Variants in RGP1 observed in about 807,000 individuals in gnomAD.
The protein encoded by RGP1 is RAB6A-GEF complex partner protein 2.
A neutral mutation model predicts 44.5 loss-of-function variants in RGP1; 28 were observed. The ratio of observed to expected loss-of-function variants is 0.63; its 90% CI spans 0.47 to 0.86. The LOEUF (loss-of-function observed/expected upper bound fraction) is 0.86. Among genes scored for constraint, RGP1 ranks in the 40% least tolerant of loss-of-function variants. The pLI is 0.00. For missense variants in RGP1, 417 were observed against 490.7 expected, an observed-to-expected ratio of 0.85 and a Z score of 1.42; for synonymous variants, 212 against 196.7, an observed-to-expected ratio of 1.08 and a Z score of -0.65.
chr9:35,782,902 C>T, the RGP1 span, among the ~76,000 whole-genome samples: 3 of 149,994 alleles, frequency 2.0e-5, no homozygotes, highest in Non-Finnish European at 3.0e-5. Context: ...TCCCCCTCCC[C>T]GGTTCAAGCG....
the RGP1 span, among the ~76,000 whole-genome samples, chr9:35,765,093 C>T: frequency 2.0e-5 from 3 of 148,714 alleles, no homozygotes; most frequent in Non-Finnish European, 4.4e-5. Context: ...CACTGCACTC[C>T]AGCCTGACAA....
chr9:35,751,303 A>G lies in RGP1; in HGVS notation c.525A>G (p.Val175=). 1 of 1,614,016 alleles carries G rather than the reference A, an allele frequency of 6.2e-7. No individual in the cohort carries two copies. Among genetic ancestry groups the G allele is most frequent in the South Asian group, 1.1e-5 (1 of 91,084 alleles). Residue 175 remains valine (V), a synonymous_variant, in exon 6 of 9, where the codon GTA becomes GTG. Coordinates refer to ENST00000378078, the MANE Select transcript of RGP1 (RefSeq NM_001080496.3). ...TCCGGTTTCCCCAGGATGAGGCTGT[A>G]GCCCCATCCAGTCCATTCTTGGAGG... The part of the protein sequence containing the change: ...QDVRFPQDEA[V]APSSPFLEED...
At chr9:35,765,800 GT>G in the RGP1 span, among the ~76,000 whole-genome samples, 2,946 of 150,960 alleles carry the variant, frequency 0.02, 39 homozygotes, top group Middle Eastern at 0.034. Flanking sequence ...TTGCATCCTT[GT>G]CAGCACTTAG....
the RGP1 span, among the ~76,000 whole-genome samples, chr9:35,783,095 C>T: frequency 6.6e-6 from 1 of 152,184 alleles, no homozygotes; most frequent in Non-Finnish European, 1.5e-5. Context: ...AGGCGTGAGC[C>T]ACTGCGCCTG....
chr9:35,779,436 C>T, the RGP1 span, among the ~76,000 whole-genome samples: 1 of 152,144 alleles, frequency 6.6e-6, no homozygotes, highest in African/African-American at 2.4e-5. Context: ...CCGCACCTGT[C>T]TGAGAAGAGG....
the RGP1 span, among the ~76,000 whole-genome samples, chr9:35,786,459 T>C: frequency 1.3e-5 from 2 of 152,210 alleles, no homozygotes; most frequent in Non-Finnish European, 2.9e-5. Flanking sequence ...TCTATGTACC[T>C]AGGAAGATTC....
the RGP1 span, among the ~76,000 whole-genome samples, chr9:35,765,005 A>G: frequency 6.0e-4 from 92 of 152,146 alleles, no homozygotes; most frequent in East Asian, 0.017. Flanking sequence ...GCACACCAGT[A>G]GTCCCAGCTA....
At chr9:35,778,718 G>A in the RGP1 span, among the ~76,000 whole-genome samples, 4 of 151,980 alleles carry the variant, frequency 2.6e-5, no homozygotes, top group East Asian at 5.8e-4. Context: ...ATGCACATTC[G>A]CCTTCCTGTT....
chr9:35,750,462 A>G, intron 3 of RGP1, 83 bp downstream of exon 3: 3 of 1,501,996 alleles, frequency 2.0e-6, no homozygotes, highest in African/African-American at 1.4e-5. Context: ...GAAGTTGTTA[A>G]TTGTTCTTGT....
chr9:35,752,587 C>A, intron 8 of RGP1, 64 bp from the exon 9 acceptor site: 3 of 1,298,446 alleles, frequency 2.3e-6, no homozygotes, highest in Non-Finnish European at 2.2e-6. Flanking sequence ...CTAACTATAT[C>A]CTGTCATTGG....
At chr9:35,778,232 A>T in the RGP1 span, among the ~76,000 whole-genome samples, 4 of 152,114 alleles carry the variant, frequency 2.6e-5, no homozygotes, top group Non-Finnish European at 4.4e-5. Flanking sequence ...AACCCGGGAG[A>T]CAGAGGTTGC....
the RGP1 span, among the ~76,000 whole-genome samples, chr9:35,787,484 C>A: frequency 6.6e-6 from 1 of 152,198 alleles, no homozygotes; most frequent in Non-Finnish European, 1.5e-5. Flanking sequence ...CCTGCCTTGG[C>A]CTCCCAAAGT....
Position 35,758,242 on chromosome 9 carries a change from G to A in RGP1, c.*5368G>A, listed in dbSNP as rs527278394. 92 of 152,286 alleles carry A rather than the reference G, an allele frequency of 6.0e-4. No individual in the cohort carries two copies. Among genetic ancestry groups the A allele is most frequent in the African/African-American group, 2.2e-3 (90 of 41,552 alleles). The allele number at this position is 152,286 out of a possible 1,614,324, so 9.4% of individuals were successfully genotyped here. A position where few individuals can be genotyped will look rare whatever the true frequency, so the allele number is the denominator to read the frequency against. On this transcript the variant is annotated 3_prime_UTR_variant, in exon 9 of 9. Coordinates refer to ENST00000378078, the MANE Select transcript of RGP1 (RefSeq NM_001080496.3). ...TGGGAGCTTTGGACTACAGTATACA[G>A]ACAAACAACTCACAATTTTAGCATA...
chr9:35,783,959 G>T, the RGP1 span, among the ~76,000 whole-genome samples: 1 of 152,072 alleles, frequency 6.6e-6, no homozygotes, highest in African/African-American at 2.4e-5. Flanking sequence ...GTTAATTTTT[G>T]TCTTTTTGAT....
downstream of RGP1, among the ~76,000 whole-genome samples, chr9:35,762,024 G>A (rs1827423034): frequency 1.3e-5 from 2 of 151,994 alleles, no homozygotes; most frequent in African/African-American, 2.4e-5. Context: ...AGGCATGTTG[G>A]CACATGCCTG....
chr9:35,767,228 C>T, the RGP1 span, among the ~76,000 whole-genome samples: 1 of 149,416 alleles, frequency 6.7e-6, no homozygotes, highest in Non-Finnish European at 1.5e-5. Flanking sequence ...GTTCCTGTTA[C>T]TGTTGAGGTG....
In RGP1 at chr9:35,752,896, G is replaced by C. The variant is rs760049994; in HGVS notation, c.*22G>C. The C allele has an allele frequency of 6.2e-7, 1 of 1,607,810 alleles. No homozygotes were observed. The highest frequency in any genetic ancestry group is 8.5e-7 in the Non-Finnish European group (1 of 1,176,238). ...CTGAAACTGGCCCACCCTGGTGCTA[G>C]TTCCTTCCGGATACTGAGAACTCAG... On this transcript the variant is annotated 3_prime_UTR_variant, in exon 9 of 9. Transcript: ENST00000378078.
chr9:35,771,801 T>C, the RGP1 span, among the ~76,000 whole-genome samples: 1 of 152,270 alleles, frequency 6.6e-6, no homozygotes, highest in Non-Finnish European at 1.5e-5. Context: ...TTTAAAAATG[T>C]AGACTCTAAG....
chr9:35,756,228 AC>A lies in RGP1; in HGVS notation c.*3355del, dbSNP rs1214221813. Reference sequence around the variant, plus strand: ...TCTTTGGCATTTATTTGGTTTTTCTACGTTTTCAGTCCCATTTACTCCAAGA... The same window carrying A: ...TCTTTGGCATTTATTTGGTTTTTCTAGTTTTCAGTCCCATTTACTCCAAGA... On this transcript the variant is annotated 3_prime_UTR_variant, in exon 9 of 9. Transcript: ENST00000378078. The A allele has an allele frequency of 6.6e-6, 1 of 152,152 alleles. No individual in the cohort carries two copies. Among genetic ancestry groups the A allele is most frequent in the Non-Finnish European group, 1.5e-5 (1 of 68,038 alleles). 9.4% of individuals were successfully genotyped at this position (152,152 alleles called of 1,614,324 possible).
Sources: gnomAD v4.1 joint callset for allele counts (sites outside exome capture counted in the v4.1 genomes callset) on GRCh38, gnomAD v4.1.1 for gene constraint, MANE v1.5 for transcripts, NCBI Gene and HGNC (gene_info 2026-07-23, HGNC 2026-07-21) for gene names.